NALF1: variants seen among roughly 807,000 people sequenced by gnomAD.
The protein encoded by NALF1 is NALCN channel auxiliary factor 1, also known as family with sequence similarity 155 member A.
NALF1 carries 3 observed loss-of-function variants against 48.4 expected under a neutral mutation model. The ratio of observed to expected loss-of-function variants is 0.06; its 90% CI spans 0.03 to 0.16. NALF1 has a LOEUF of 0.16. NALF1 is among the 10% of genes least tolerant of loss of function. The pLI, the probability that NALF1 is intolerant of heterozygous loss-of-function variation, is 1.00. For synonymous variants in NALF1, 262 were observed against 245.7 expected (o/e 1.07, Z -0.62); for missense variants, 526 against 571.5 (o/e 0.92, Z 0.81).
chr13:107,710,444 C>T (rs1875534454), intron 1 of NALF1, among the ~76,000 whole-genome samples: 1 of 152,086 alleles, frequency 6.6e-6, no homozygotes, highest in Admixed American at 6.6e-5. Context: ...CTATAAAGAA[C>T]TACCTGAGAC....
In NALF1 at chr13:107,866,519, C is replaced by G. The variant is rs1042324320; in HGVS notation, c.78G>C (p.Glu26Asp). 1 of 1,613,934 alleles carries G rather than the reference C, an allele frequency of 6.2e-7. No homozygotes were observed. The highest frequency in any genetic ancestry group is 8.5e-7 in the Non-Finnish European group (1 of 1,180,022). Residue 26 changes from glutamate (E) to aspartate (D), a missense_variant, in exon 1 of 3, where the codon GAG (glutamate) becomes GAC (aspartate). Transcript: ENST00000375915. The surrounding 1 kb of genome is among the most constrained non-coding windows in gnomAD (Gnocchi z 4.4). Reference protein sequence around the residue: ...KIWLAAPRENEKPFIDSERAQ... With the variant: ...KIWLAAPRENDKPFIDSERAQ... ...CCCTCTCGGAATCGATGAACGGTTT[C>G]TCGTTCTCTCGGGGTGCTGCCAACC... is the stretch of plus-strand genomic sequence containing the variant.
chr13:107,693,296 G>C (rs1881608454), intron 1 of NALF1, among the ~76,000 whole-genome samples: 1 of 131,484 alleles, frequency 7.6e-6, no homozygotes. Flanking sequence ...ACACAGGGCG[G>C]GGAACACCAC....
chr13:107,708,358 G>A (rs1875466076), intron 1 of NALF1, among the ~76,000 whole-genome samples: 1 of 152,076 alleles, frequency 6.6e-6, no homozygotes, highest in East Asian at 1.9e-4. Flanking sequence ...CTCCTGAAAT[G>A]CTCTCCATTC....
chr13:107,378,832 T>C (rs966915467), intron 1 of NALF1, among the ~76,000 whole-genome samples: 2 of 152,194 alleles, frequency 1.3e-5, no homozygotes, highest in Non-Finnish European at 2.9e-5. Flanking sequence ...TTTAAAATAT[T>C]ATTGTTGAAA....
chr13:107,521,232 T>C (rs1350522238), intron 1 of NALF1, among the ~76,000 whole-genome samples: 8 of 152,162 alleles, frequency 5.3e-5, no homozygotes, highest in Non-Finnish European at 1.2e-4. Flanking sequence ...ATTTATGCAA[T>C]TGGAATTTCA....
At chr13:107,468,873 T>G (rs758951505) in intron 1 of NALF1, among the ~76,000 whole-genome samples, 1 of 152,152 alleles carries the variant, frequency 6.6e-6, no homozygotes, top group Non-Finnish European at 1.5e-5. Flanking sequence ...GGAGTCAAAG[T>G]ACACACAGCA....
At chr13:107,676,881 A>C (rs1409111856) in intron 1 of NALF1, among the ~76,000 whole-genome samples, 1 of 152,192 alleles carries the variant, frequency 6.6e-6, no homozygotes, top group Non-Finnish European at 1.5e-5. Context: ...GAAACGAAGG[A>C]GAATAGAATA....
intron 1 of NALF1, among the ~76,000 whole-genome samples, chr13:107,373,560 G>A (rs558706191): frequency 6.6e-6 from 1 of 152,180 alleles, no homozygotes; most frequent in South Asian, 2.1e-4. Context: ...ACAGCCAATG[G>A]GTCCAGCTGT....
chr13:107,759,572 TCCAA>T (rs1283517922), intron 1 of NALF1, among the ~76,000 whole-genome samples: 104 of 152,250 alleles, frequency 6.8e-4, no homozygotes, highest in African/African-American at 2.3e-3. Flanking sequence ...TTCCACCTAG[TCCAA>T]GAGACAGACT....
intron 1 of NALF1, among the ~76,000 whole-genome samples, chr13:107,799,554 T>C (rs1878537311): frequency 6.6e-6 from 1 of 152,156 alleles, no homozygotes; most frequent in South Asian, 2.1e-4. Flanking sequence ...AACAAGAAGT[T>C]TGCACTCACA....
chr13:107,806,530 A>G (rs984243778), intron 1 of NALF1, among the ~76,000 whole-genome samples: 1 of 152,118 alleles, frequency 6.6e-6, no homozygotes, highest in African/African-American at 2.4e-5. Context: ...AGGGACTGTT[A>G]ATTTATCTTT....
chr13:107,408,665 G>C (rs909721849), intron 1 of NALF1, among the ~76,000 whole-genome samples: 19 of 152,070 alleles, frequency 1.2e-4, no homozygotes, highest in African/African-American at 4.3e-4. Context: ...ACAATCATCA[G>C]CTTAATGAAA....
chr13:107,858,408 C>T (rs377159137), intron 1 of NALF1, among the ~76,000 whole-genome samples: 1 of 152,154 alleles, frequency 6.6e-6, no homozygotes, highest in South Asian at 2.1e-4. Context: ...TTACCCATCT[C>T]GGCTGGGTGC....
chr13:107,237,088 GGT>G (rs1491272161), intron 1 of NALF1, among the ~76,000 whole-genome samples: 62 of 49,158 alleles, frequency 1.3e-3, no homozygotes, highest in African/African-American at 3.0e-3. Flanking sequence ...AACTGTATGT[GGT>G]TTTTTTTTTT....
chr13:107,418,419 C>T (rs1464991658), intron 1 of NALF1, among the ~76,000 whole-genome samples: 1 of 152,140 alleles, frequency 6.6e-6, no homozygotes, highest in Non-Finnish European at 1.5e-5. Flanking sequence ...CTTGGGTTCA[C>T]TCTTTTTCTC....
chr13:107,381,403 G>A (rs574472984), intron 1 of NALF1, among the ~76,000 whole-genome samples: 1 of 151,876 alleles, frequency 6.6e-6, no homozygotes, highest in Non-Finnish European at 1.5e-5. Context: ...TCACTGTGTT[G>A]CCCAGGCTGG....
At chr13:107,560,588 AG>A (rs1488639092) in intron 1 of NALF1, among the ~76,000 whole-genome samples, 25 of 152,102 alleles carry the variant, frequency 1.6e-4, no homozygotes, top group African/African-American at 5.8e-4. Flanking sequence ...TTTTAAATGG[AG>A]AGCAGTTCAC....
chr13:107,549,307 G>A lies in NALF1; in HGVS notation c.915+316375C>T, dbSNP rs115721350. 4.8e-3 allele frequency among the ~76,000 whole-genome samples: 735 copies of A among 152,248 alleles called. 6 individuals carry two copies. The highest frequency in any genetic ancestry group is 0.017 in the African/African-American group (691 of 41,550). ...TGAAGGATTTATATACTTTTAAGTG[G>A]AAGAAATATAGAGCTACTTGCTGTA... is the stretch of plus-strand genomic sequence containing the variant. On this transcript the variant is annotated intron_variant, in intron 1 of 2. Transcript: ENST00000375915.
chr13:107,458,394 G>C (rs989764492), intron 1 of NALF1, among the ~76,000 whole-genome samples: 5 of 152,184 alleles, frequency 3.3e-5, no homozygotes, highest in Non-Finnish European at 5.9e-5. Flanking sequence ...CACACAGGCG[G>C]AACAGTGTGT....
Sources: gnomAD v4.1 joint callset for allele counts (sites outside exome capture counted in the v4.1 genomes callset) on GRCh38, gnomAD v4.1.1 for gene constraint, Gnocchi (gnomAD v3.1) non-coding constraint, MANE v1.5 for transcripts, NCBI Gene and HGNC (gene_info 2026-07-23, HGNC 2026-07-21) for gene names.